Variants in FER1L6 observed in about 807,000 individuals in gnomAD.
FER1L6 encodes fer-1 like family member 6.
FER1L6 carries 177 observed loss-of-function variants against 219.2 expected under a neutral mutation model. That is an observed-to-expected ratio of 0.81 (90% CI 0.71 to 0.91). The LOEUF is 0.91. Among genes scored for constraint, FER1L6 ranks in the 40% least tolerant of loss-of-function variants. FER1L6 has a pLI of 0.00. For missense variants in FER1L6, 2,153 were observed against 2,259.9 expected, an observed-to-expected ratio of 0.95 and a Z score of 0.96; for synonymous variants, 768 against 824.3, an observed-to-expected ratio of 0.93 and a Z score of 1.17.
intron 1 of FER1L6, among the ~76,000 whole-genome samples, chr8:123,945,877 A>G (rs1814463894): frequency 2.0e-5 from 3 of 152,216 alleles, no homozygotes; most frequent in African/African-American, 7.2e-5. Context: ...AACAGATATG[A>G]ACTTCCTTTC....
intron 1 of FER1L6, among the ~76,000 whole-genome samples, chr8:123,945,136 T>G (rs1433308820): frequency 6.6e-6 from 1 of 152,194 alleles, no homozygotes; most frequent in Non-Finnish European, 1.5e-5. Flanking sequence ...AGACCAGGCA[T>G]GACTTTAGAC....
At position 124,031,391 on chromosome 8, in the gene FER1L6, T is replaced by C. The variant is rs143040144; in HGVS notation, c.2287-3886T>C. ...TAGAAATACGATTCAGTAAAAAGGGTATTATCTAATGCTAGTGGACTGAGT... is the reference window on the plus strand; with the variant it reads ...TAGAAATACGATTCAGTAAAAAGGGCATTATCTAATGCTAGTGGACTGAGT... On this transcript the variant is annotated intron_variant, in intron 18 of 40. Transcript: ENST00000522917. Among the ~76,000 whole-genome samples, 44 of 152,158 alleles carry C rather than the reference T, an allele frequency of 2.9e-4. No individual in the cohort carries two copies. The East Asian group carries it at 5.8e-3, about 20-fold the overall frequency.
At chr8:124,011,111 A>G (rs1391548516) in intron 14 of FER1L6, among the ~76,000 whole-genome samples, 2 of 152,140 alleles carry the variant, frequency 1.3e-5, no homozygotes, top group African/African-American at 4.8e-5. Context: ...TGCCTAACCT[A>G]TAGCCCCATC....
chr8:124,085,614 T>A (rs576175319), intron 33 of FER1L6, among the ~76,000 whole-genome samples: 11 of 151,882 alleles, frequency 7.2e-5, no homozygotes, highest in East Asian at 3.9e-4. Flanking sequence ...TTAAAAAAAA[T>A]TTTAAAGACT....
intron 17 of FER1L6, among the ~76,000 whole-genome samples, chr8:124,023,120 C>T (rs6999207): frequency 0.58 from 87,795 of 151,898 alleles, 25,824 homozygotes; most frequent in African/African-American, 0.64. Flanking sequence ...TTTCACCATA[C>T]TGGCCAGGAT....
chr8:123,888,199 C>G (rs1235450213), intron 1 of FER1L6, among the ~76,000 whole-genome samples: 1 of 152,002 alleles, frequency 6.6e-6, no homozygotes, highest in Non-Finnish European at 1.5e-5. Context: ...TCACTGCAAT[C>G]TCCACCTCCT....
chr8:123,995,537 A>G (rs1817091109), intron 12 of FER1L6, among the ~76,000 whole-genome samples: 1 of 151,654 alleles, frequency 6.6e-6, no homozygotes, highest in Non-Finnish European at 1.5e-5. Context: ...TTTATCTCTG[A>G]TTTTATTTAT....
At chr8:123,915,669 C>T (rs558344562) in intron 1 of FER1L6, among the ~76,000 whole-genome samples, 5 of 152,150 alleles carry the variant, frequency 3.3e-5, no homozygotes, top group Non-Finnish European at 7.4e-5. Context: ...ATGAAACAGA[C>T]AATCAAAATT....
intron 30 of FER1L6, among the ~76,000 whole-genome samples, chr8:124,071,226 A>G (rs1586667588): frequency 6.6e-6 from 1 of 152,308 alleles, no homozygotes; most frequent in Admixed American, 6.5e-5. Flanking sequence ...CGCACCCCAC[A>G]TGTAAAAGGC....
intron 1 of FER1L6, among the ~76,000 whole-genome samples, chr8:123,898,643 T>TTATATA (rs140414036): frequency 4.2e-5 from 6 of 142,048 alleles, no homozygotes; most frequent in South Asian, 2.2e-4. Flanking sequence ...GTATTCCATT[T>TTATATA]TATATATATA....
intron 22 of FER1L6, among the ~76,000 whole-genome samples, chr8:124,052,931 T>C (rs1464997422): frequency 1.3e-5 from 2 of 152,242 alleles, no homozygotes; most frequent in Non-Finnish European, 2.9e-5. Flanking sequence ...AAGATGAAGT[T>C]ACCTTTTTAA....
intron 1 of FER1L6, among the ~76,000 whole-genome samples, chr8:123,886,997 T>C (rs533422476): frequency 3.3e-5 from 5 of 152,242 alleles, no homozygotes; most frequent in African/African-American, 1.2e-4. Flanking sequence ...ATCCAGACAA[T>C]GAGATGCCAA....
chr8:123,950,952 A>C (rs2130081143), intron 1 of FER1L6, among the ~76,000 whole-genome samples: 1 of 152,294 alleles, frequency 6.6e-6, no homozygotes, highest in East Asian at 1.9e-4. Context: ...GAAGGTAGCC[A>C]ATTTTGTGGG....
chr8:123,856,300 A>ATGTATG (rs1199660868), intron 1 of FER1L6, among the ~76,000 whole-genome samples: 2 of 70,468 alleles, frequency 2.8e-5, no homozygotes, highest in African/African-American at 1.2e-4. Flanking sequence ...GTGTATATAT[A>ATGTATG]TATATATATG....
intron 11 of FER1L6, 136 bp downstream of exon 11, chr8:123,980,947 G>C: frequency 2.8e-6 from 2 of 704,324 alleles, no homozygotes; most frequent in Non-Finnish European, 4.6e-6. Flanking sequence ...GCCCAGCCCT[G>C]TGTTCTCAGG....
intron 13 of FER1L6, among the ~76,000 whole-genome samples, chr8:124,005,744 T>C (rs962573719): frequency 4.6e-5 from 7 of 152,198 alleles, no homozygotes; most frequent in South Asian, 4.1e-4. Context: ...TACAGAGTAC[T>C]ATGGGAACAG....
At chr8:123,905,736 G>A (rs570490001) in intron 1 of FER1L6, among the ~76,000 whole-genome samples, 1 of 152,170 alleles carries the variant, frequency 6.6e-6, no homozygotes, top group African/African-American at 2.4e-5. Flanking sequence ...TATGGTTCCT[G>A]GCACATGATA....
At chr8:123,934,647 A>T (rs1315265972) in intron 1 of FER1L6, among the ~76,000 whole-genome samples, 1 of 152,032 alleles carries the variant, frequency 6.6e-6, no homozygotes, top group African/African-American at 2.4e-5. Context: ...CATTTGATTA[A>T]GTGGTACCAC....
rs143427645 is a variant in FER1L6, at chr8:123,948,732, G to A, written c.-7-7260G>A. ...AGACAGACACTATTGAATTGGTCAGGGCCTCCAGTGCAGTGTTAAATAGAC... is the reference window on the plus strand; with the variant it reads ...AGACAGACACTATTGAATTGGTCAGAGCCTCCAGTGCAGTGTTAAATAGAC... On this transcript the variant is annotated intron_variant, in intron 1 of 40. Coordinates refer to ENST00000522917, the MANE Select transcript of FER1L6 (RefSeq NM_001039112.2). Among the ~76,000 whole-genome samples the A allele has an allele frequency of 8.9e-4, 135 of 151,404 alleles. 1 individual carries two copies. The highest frequency in any genetic ancestry group is 3.0e-3 in the African/African-American group (123 of 41,268).
Sources: allele counts gnomAD v4.1 joint callset (sites outside exome capture counted in the v4.1 genomes callset), GRCh38; gene constraint gnomAD v4.1.1; transcripts MANE v1.5; gene names NCBI Gene and HGNC (gene_info 2026-07-23, HGNC 2026-07-21).